The following DAB1 variants were observed in gnomAD, a reference collection of about 807,000 sequenced individuals.
DAB1 encodes DAB adaptor protein 1.
DAB1 carries 15 observed loss-of-function variants against 64.6 expected under a neutral mutation model. The observed-to-expected ratio is 0.23, with a 90% confidence interval of 0.16 to 0.36. The LOEUF is 0.36. Among genes scored for constraint, DAB1 ranks in the 10% least tolerant of loss-of-function variants. DAB1 has a pLI of 1.00. For synonymous variants in DAB1, 235 were observed against 251.9 expected, an observed-to-expected ratio of 0.93 and a Z score of 0.64; for missense variants, 596 against 706.7, an observed-to-expected ratio of 0.84 and a Z score of 1.78.
chr1:57,845,330 TAG>T (rs1359846512), intron 1 of DAB1, among the ~76,000 whole-genome samples: 16 of 152,184 alleles, frequency 1.1e-4, no homozygotes, highest in Admixed American at 2.0e-4. Context: ...AGGGATAGGA[TAG>T]AGAGACAGGA....
intron 2 of DAB1, among the ~76,000 whole-genome samples, chr1:58,513,414 T>TTAGTCAACTATTAGACTGAGTTAGCAA (rs1230041024): frequency 1.2e-4 from 18 of 152,298 alleles, no homozygotes; most frequent in African/African-American, 4.3e-4. Flanking sequence ...CAGCAACTAA[T>TTAGTCAACTATTAGACTGAGTTAGCAA]TCAGTCTAAC....
rs528011876 is a variant in DAB1 at position 58,168,817 on chromosome 1, T to C, written n.310-18229A>G. Among the ~76,000 whole-genome samples, 8 of 152,296 alleles carry C rather than the reference T, an allele frequency of 5.3e-5. No homozygotes were observed. The South Asian group carries it at 6.2e-4, about 12-fold the overall frequency. On this transcript the variant is annotated intron_variant and non_coding_transcript_variant, in intron 4 of 20. Transcript: ENST00000485760. The stretch of plus-strand genomic sequence containing the variant: ...GGACCTCCACTTCATTTTTGGGGCA[T>C]AACATCTTTATAGGACATGGGTAAA...
intron 2 of DAB1, among the ~76,000 whole-genome samples, chr1:57,251,077 G>T (rs530156940): frequency 1.6e-4 from 25 of 152,332 alleles, no homozygotes; most frequent in Admixed American, 4.6e-4. Flanking sequence ...GATTTATAGA[G>T]AAACCATATA....
rs549283404 is a variant in DAB1 at position 57,148,195 on chromosome 1, A to C, written c.68-2766T>G. On this transcript the variant is annotated intron_variant, in intron 2 of 14. Coordinates refer to ENST00000371236, the MANE Select transcript of DAB1 (RefSeq NM_001365792.1). ...AGTCAGATACAAAGAAGCCTTAAGA[A>C]ACATTTGTCAGGACACAGAACTCTG... Among the ~76,000 whole-genome samples, 4 of 152,356 alleles carry C rather than the reference A, an allele frequency of 2.6e-5. No individual in the cohort carries two copies. In the South Asian group the frequency reaches 8.3e-4, roughly 32 times the overall value.
chr1:58,071,794 G>T (rs1448201732), intron 5 of DAB1, among the ~76,000 whole-genome samples: 3 of 151,984 alleles, frequency 2.0e-5, no homozygotes. Context: ...GGACTGGAAG[G>T]GACCTGAATT....
chr1:58,478,759 A>G (rs758250892), intron 3 of DAB1, among the ~76,000 whole-genome samples: 1 of 152,222 alleles, frequency 6.6e-6, no homozygotes, highest in Non-Finnish European at 1.5e-5. Flanking sequence ...TCTGAATTAT[A>G]GAAAAGATCG....
intron 3 of DAB1, among the ~76,000 whole-genome samples, chr1:58,435,137 T>G (rs1644927226): frequency 1.3e-5 from 2 of 152,294 alleles, no homozygotes; most frequent in Admixed American, 1.3e-4. Flanking sequence ...AATGGGAGAT[T>G]GGTGGGCAGG....
Position 58,343,738 on chromosome 1 carries a change from A to G in DAB1, n.258-335T>C, listed in dbSNP as rs181190254. Among the ~76,000 whole-genome samples the G allele has an allele frequency of 4.1e-3, 623 of 152,300 alleles. 6 individuals are homozygous for G. Among genetic ancestry groups the G allele is most frequent in the Middle Eastern group, 0.014 (4 of 294 alleles). On this transcript the variant is annotated intron_variant and non_coding_transcript_variant, in intron 3 of 20. Transcript: ENST00000485760. ...CTCTATTTCTCATCTTGTCTTCTCTATTGAAAGAGAGGAGCTGAAATTATG... is the reference window on the plus strand; with the variant it reads ...CTCTATTTCTCATCTTGTCTTCTCTGTTGAAAGAGAGGAGCTGAAATTATG...
At chr1:58,157,252 C>T (rs1195325042) in intron 4 of DAB1, among the ~76,000 whole-genome samples, 2 of 152,300 alleles carry the variant, frequency 1.3e-5, no homozygotes, top group Non-Finnish European at 2.9e-5. Context: ...TGTATTTCAG[C>T]CCCCCTCTGC....
chr1:58,058,416 T>C (rs1171511229), intron 5 of DAB1, among the ~76,000 whole-genome samples: 1 of 152,356 alleles, frequency 6.6e-6, no homozygotes, highest in Non-Finnish European at 1.5e-5. Flanking sequence ...CAAATCCATC[T>C]TAGCCTTAAA....
At chr1:57,247,562 C>T (rs1668980283) in intron 2 of DAB1, among the ~76,000 whole-genome samples, 1 of 152,164 alleles carries the variant, frequency 6.6e-6, no homozygotes, top group Non-Finnish European at 1.5e-5. Context: ...TTTGTATTTT[C>T]ATGAATTGTG....
rs570810579 is a variant in DAB1, at chr1:57,986,781, C to T, written n.388-102619G>A. Among the ~76,000 whole-genome samples the T allele has an allele frequency of 4.6e-5, 7 of 152,286 alleles. No individual in the cohort carries two copies. In the South Asian group the frequency reaches 1.0e-3, roughly 23 times the overall value. On this transcript the variant is annotated intron_variant and non_coding_transcript_variant, in intron 5 of 20. Transcript: ENST00000485760. ...CCTCTCCATGACTCTCCACAGAGAA[C>T]GTTCTATCTCTCAAAGGCTTTAGTA...
At chr1:57,772,078 T>C (rs1342497403) in intron 6 of DAB1, among the ~76,000 whole-genome samples, 1 of 152,120 alleles carries the variant, frequency 6.6e-6, no homozygotes, top group Non-Finnish European at 1.5e-5. Context: ...TAAGAAGTGG[T>C]ATGTTTAATA....
rs575504270 is a variant in DAB1 at position 57,145,486 on chromosome 1, A to G, written c.68-57T>C. ...AGCTGTGCAGACCCCAGTGGCTTTG[A>G]GTATCCACAATTCCAAGATCCGCTG... On this transcript the variant is annotated intron_variant, in intron 2 of 14. Coordinates refer to ENST00000371236, the MANE Select transcript of DAB1 (RefSeq NM_001365792.1). 2.2e-5 allele frequency: 35 copies of G among 1,569,062 alleles called. No individual in the cohort carries two copies. The South Asian group carries it at 4.0e-4, about 18-fold the overall frequency.
At chr1:57,339,397 C>A (rs376814069) in intron 1 of DAB1, among the ~76,000 whole-genome samples, 75 of 152,310 alleles carry the variant, frequency 4.9e-4, no homozygotes, top group African/African-American at 1.8e-3. Flanking sequence ...ACCTCGTGAT[C>A]CACACGCCTT....
intron 6 of DAB1, among the ~76,000 whole-genome samples, chr1:57,753,112 T>C (rs903014916): frequency 5.9e-5 from 9 of 151,990 alleles, no homozygotes; most frequent in East Asian, 1.9e-4. Flanking sequence ...CAGGAGGGAG[T>C]TCACCTGGGG....
At chr1:58,098,982 C>G (rs1189280807) in intron 5 of DAB1, among the ~76,000 whole-genome samples, 1 of 152,176 alleles carries the variant, frequency 6.6e-6, no homozygotes, top group Non-Finnish European at 1.5e-5. Context: ...GAAGAAGAGA[C>G]AGAGGCCATG....
intron 4 of DAB1, among the ~76,000 whole-genome samples, chr1:57,113,396 G>A (rs1655833388): frequency 6.6e-6 from 1 of 152,138 alleles, no homozygotes; most frequent in Admixed American, 6.5e-5. Flanking sequence ...GAGGTACAAA[G>A]ACCTTAAGTA....
At chr1:57,921,744 TA>T (rs778471839) in intron 5 of DAB1, among the ~76,000 whole-genome samples, 64 of 152,110 alleles carry the variant, frequency 4.2e-4, no homozygotes, top group Non-Finnish European at 8.4e-4. Context: ...CCAAACTTTT[TA>T]AAAACCTGTC....
Sources: allele counts gnomAD v4.1 joint callset (sites outside exome capture counted in the v4.1 genomes callset), GRCh38; gene constraint gnomAD v4.1.1; transcripts MANE v1.5; gene names NCBI Gene and HGNC (gene_info 2026-07-23, HGNC 2026-07-21).